DPP10: variants seen among roughly 807,000 people sequenced by gnomAD.
DPP10 encodes inactive dipeptidyl peptidase 10.
DPP10 carries 33 observed loss-of-function variants against 120.9 expected under a neutral mutation model. The observed-to-expected ratio is 0.27, with a 90% CI of 0.21 to 0.37. The LOEUF (loss-of-function observed/expected upper bound fraction) is 0.37, where lower values mean the gene tolerates loss of function less well. Ranked by LOEUF, DPP10 falls within the 10% of genes least tolerant of loss-of-function variation. The pLI is 1.00. For missense variants in DPP10, 816 were observed against 942.8 expected, an observed-to-expected ratio of 0.87 and a Z score of 1.76; for synonymous variants, 337 against 326.1, an observed-to-expected ratio of 1.03 and a Z score of -0.36.
chr2:114,461,077 A>G (rs1050141002), intron 1 of DPP10, among the ~76,000 whole-genome samples: 1 of 152,238 alleles, frequency 6.6e-6, no homozygotes, highest in African/African-American at 2.4e-5. Flanking sequence ...GGCAACAAAT[A>G]CAGTCTATAA....
intron 3 of DPP10, among the ~76,000 whole-genome samples, chr2:115,485,605 A>G (rs2075730122): frequency 1.3e-5 from 2 of 152,132 alleles, no homozygotes; most frequent in Non-Finnish European, 1.5e-5. Context: ...TGGTTTAATT[A>G]TATACTTGGA....
intron 5 of DPP10, among the ~76,000 whole-genome samples, chr2:115,659,705 T>C (rs1360804155): frequency 1.3e-5 from 2 of 152,186 alleles, no homozygotes; most frequent in East Asian, 3.9e-4. Flanking sequence ...ATGTCTAATA[T>C]ACAGAGAAAT....
intron 5 of DPP10, among the ~76,000 whole-genome samples, chr2:115,548,256 A>G (rs2079634774): frequency 6.6e-6 from 1 of 152,164 alleles, no homozygotes; most frequent in Admixed American, 6.5e-5. Context: ...TCTCCTATGC[A>G]TTAGATCCTT....
chr2:115,093,067 A>G (rs571333271), intron 1 of DPP10, among the ~76,000 whole-genome samples: 7 of 152,288 alleles, frequency 4.6e-5, no homozygotes, highest in Admixed American at 2.6e-4. Context: ...GATAGGAACT[A>G]GGAAATAGTA....
intron 1 of DPP10, among the ~76,000 whole-genome samples, chr2:114,690,073 G>C (rs1255309405): frequency 6.6e-6 from 1 of 151,920 alleles, no homozygotes; most frequent in Non-Finnish European, 1.5e-5. Context: ...CTGTGAAGAT[G>C]CTCTTTAGTT....
chr2:115,396,687 G>A (rs2067702980), intron 3 of DPP10, among the ~76,000 whole-genome samples: 1 of 152,176 alleles, frequency 6.6e-6, no homozygotes, highest in Non-Finnish European at 1.5e-5. Context: ...CCTGACATAT[G>A]TCCTAAAGTT....
chr2:114,569,441 G>C (rs1254192251), intron 1 of DPP10, among the ~76,000 whole-genome samples: 1 of 146,230 alleles, frequency 6.8e-6, no homozygotes, highest in Non-Finnish European at 1.5e-5. Context: ...CTCTGAACAA[G>C]CAAATGTGCT....
intron 1 of DPP10, among the ~76,000 whole-genome samples, chr2:114,645,131 A>T (rs941447751): frequency 5.9e-5 from 9 of 152,170 alleles, no homozygotes; most frequent in African/African-American, 2.2e-4. Flanking sequence ...GCTTTGTCTG[A>T]CAGATGTACT....
chr2:115,525,000 A>G (rs2078039206), intron 4 of DPP10, among the ~76,000 whole-genome samples: 1 of 152,142 alleles, frequency 6.6e-6, no homozygotes, highest in Admixed American at 6.6e-5. Context: ...AACAAAACAA[A>G]GAAACTCTGA....
chr2:115,161,967 C>T (rs2104969306), intron 1 of DPP10: 1 of 1,429,364 alleles, frequency 7.0e-7, no homozygotes, highest in Non-Finnish European at 9.1e-7. Flanking sequence ...ATGACGGCCG[C>T]GAAGCAGGAG....
intron 1 of DPP10, among the ~76,000 whole-genome samples, chr2:114,568,609 T>G (rs901274785): frequency 6.6e-6 from 1 of 152,204 alleles, no homozygotes; most frequent in Non-Finnish European, 1.5e-5. Context: ...CTGTTTGACT[T>G]TTGTAAGACG....
Position 115,821,396 on chromosome 2 carries a change from A to C in DPP10, c.1950+5667A>C, listed in dbSNP as rs1043399848. On this transcript the variant is annotated intron_variant, in intron 21 of 25. Transcript: ENST00000410059. Reference sequence around the variant, plus strand: ...CATTAAAGATTTTTATATTCAAATTACAATAACATCCTTTTTTCATTGATA... The same window carrying C: ...CATTAAAGATTTTTATATTCAAATTCCAATAACATCCTTTTTTCATTGATA... Among the ~76,000 whole-genome samples, 18 of 152,258 alleles carry C rather than the reference A, an allele frequency of 1.2e-4. No homozygotes were observed. The East Asian group carries it at 3.5e-3, about 29-fold the overall frequency.
chr2:114,780,300 T>A (rs973072466), intron 1 of DPP10, among the ~76,000 whole-genome samples: 6 of 152,154 alleles, frequency 3.9e-5, no homozygotes, highest in African/African-American at 1.4e-4. Context: ...ATAGCTTGGT[T>A]TTGAGAAAAC....
At chr2:115,358,996 C>A (rs1386251222) in intron 3 of DPP10, among the ~76,000 whole-genome samples, 1 of 152,152 alleles carries the variant, frequency 6.6e-6, no homozygotes, top group Non-Finnish European at 1.5e-5. Flanking sequence ...ATGGAAACTA[C>A]AATTCAAGAT....
intron 8 of DPP10, among the ~76,000 whole-genome samples, chr2:115,732,589 C>T (rs933313179): frequency 5.9e-5 from 9 of 152,118 alleles, no homozygotes; most frequent in African/African-American, 1.7e-4. Flanking sequence ...TAATTAAATA[C>T]GATATCAGAT....
At position 114,455,091 on chromosome 2, in the gene DPP10, G is replaced by C. The variant is rs530815042; in HGVS notation, c.60+12253G>C. ...TAATCACATGGCTTTTATTCCAGAA[G>C]ACGATATCACTATGAGAAAGGAAGC... On this transcript the variant is annotated intron_variant, in intron 1 of 25. Coordinates refer to ENST00000410059, the MANE Select transcript of DPP10 (RefSeq NM_020868.6). Among the ~76,000 whole-genome samples the C allele has an allele frequency of 6.6e-5, 10 of 151,808 alleles. 1 individual carries two copies. In the South Asian group the frequency reaches 2.1e-3, roughly 32 times the overall value.
chr2:115,576,988 G>T (rs7566786), intron 5 of DPP10, among the ~76,000 whole-genome samples: 2,152 of 152,264 alleles, frequency 0.014, 53 homozygotes, highest in African/African-American at 0.049. Context: ...CCACTGAAAG[G>T]CAAGAAAAAT....
In DPP10 at chr2:115,109,408, C is replaced by T. The variant is rs569870245; in HGVS notation, c.61-199831C>T. Among the ~76,000 whole-genome samples, 27 of 152,012 alleles carry T rather than the reference C, an allele frequency of 1.8e-4. No homozygotes were observed. The South Asian group carries it at 5.4e-3, about 30-fold the overall frequency. On this transcript the variant is annotated intron_variant, in intron 1 of 25. Coordinates refer to ENST00000410059, the MANE Select transcript of DPP10 (RefSeq NM_020868.6). ...AAAATTAGCTGGGCGTGGTGGCGGG[C>T]GCCTGTAGTCCCAGCTACTCTGGAG...
Position 114,767,026 on chromosome 2 carries a change from G to A in DPP10, c.60+324188G>A, listed in dbSNP as rs74760332. ...TGTGCAAATGTCAATTTCCTAGAGC[G>A]AAACTAGTGAAAATTTCATGGGACT... On this transcript the variant is annotated intron_variant, in intron 1 of 25. Transcript: ENST00000410059. Among the ~76,000 whole-genome samples, 103 of 146,138 alleles carry A rather than the reference G, an allele frequency of 7.0e-4. 1 individual carries two copies. The East Asian group carries it at 0.014, about 20-fold the overall frequency.
Sources: allele counts gnomAD v4.1 joint callset (sites outside exome capture counted in the v4.1 genomes callset), GRCh38; gene constraint gnomAD v4.1.1; transcripts MANE v1.5; gene names NCBI Gene and HGNC (gene_info 2026-07-23, HGNC 2026-07-21).